AFG2A: variants seen among roughly 807,000 people sequenced by gnomAD.
AFG2A encodes the protein AAA ATPase AFG2A.
At chr4:123,060,670 T>A in the AFG2A span, among the ~76,000 whole-genome samples, 5 of 152,092 alleles carry the variant, frequency 3.3e-5, no homozygotes, top group African/African-American at 1.2e-4. Flanking sequence ...CCCTCCTAGG[T>A]TTGCAGGCCT....
At chr4:123,007,570 G>GTA in the AFG2A span, among the ~76,000 whole-genome samples, 1 of 3,204 alleles carries the variant, frequency 3.1e-4, no homozygotes, top group South Asian at 0.019. Flanking sequence ...GTGTGTATAT[G>GTA]TGTGTGTGTG....
chr4:123,256,604 A>G, the AFG2A span: 2 of 686,658 alleles, frequency 2.9e-6, no homozygotes, highest in Non-Finnish European at 3.6e-6. Flanking sequence ...TTAGGATATC[A>G]TGAGTATAAA....
At chr4:123,157,720 T>G in the AFG2A span, among the ~76,000 whole-genome samples, 153 of 152,332 alleles carry the variant, frequency 1.0e-3, no homozygotes, top group Non-Finnish European at 1.9e-3. Context: ...CCACATTCAC[T>G]CCAACTTTCA....
At chr4:122,951,460 G>A in the AFG2A span, among the ~76,000 whole-genome samples, 28 of 84,464 alleles carry the variant, frequency 3.3e-4, no homozygotes, top group Non-Finnish European at 5.0e-4. Flanking sequence ...ACACACACAC[G>A]CACGCACACA....
At chr4:123,090,839 C>A in the AFG2A span, 1 of 1,221,190 alleles carries the variant, frequency 8.2e-7, no homozygotes, top group South Asian at 1.6e-5. Flanking sequence ...AAAGCAGGTT[C>A]ACTGTGGACT....
the AFG2A span, among the ~76,000 whole-genome samples, chr4:123,020,352 A>G: frequency 6.6e-6 from 1 of 151,862 alleles, no homozygotes; most frequent in Non-Finnish European, 1.5e-5. Flanking sequence ...TTTTGAAAAT[A>G]CATATATGTG....
At chr4:123,247,722 G>A in the AFG2A span, among the ~76,000 whole-genome samples, 2 of 152,036 alleles carry the variant, frequency 1.3e-5, no homozygotes, top group African/African-American at 2.4e-5. Context: ...GTGTGCCACT[G>A]TGCCTAGCCT....
chr4:122,974,342 G>C, the AFG2A span, among the ~76,000 whole-genome samples: 1 of 152,060 alleles, frequency 6.6e-6, no homozygotes, highest in Admixed American at 6.6e-5. Flanking sequence ...GATGTATCTG[G>C]TCCAAATTAG....
the AFG2A span, among the ~76,000 whole-genome samples, chr4:123,085,803 A>G: frequency 6.6e-6 from 1 of 151,788 alleles, no homozygotes. Flanking sequence ...CATGGCTTTA[A>G]TTGAGCATTT....
chr4:123,068,269 T>C, the AFG2A span, among the ~76,000 whole-genome samples: 1 of 152,200 alleles, frequency 6.6e-6, no homozygotes, highest in Admixed American at 6.5e-5. Flanking sequence ...CCAAGAATAT[T>C]TCTCAGTTCA....
At chr4:123,084,916 C>CTG in the AFG2A span, among the ~76,000 whole-genome samples, 1 of 152,162 alleles carries the variant, frequency 6.6e-6, no homozygotes, top group Non-Finnish European at 1.5e-5. Flanking sequence ...CAGGCGTGAG[C>CTG]TACTGCACCC....
the AFG2A span, among the ~76,000 whole-genome samples, chr4:122,974,335 G>A: frequency 6.6e-6 from 1 of 152,122 alleles, no homozygotes; most frequent in African/African-American, 2.4e-5. Context: ...GTAGGGTGAT[G>A]TATCTGGTCC....
At chr4:123,115,931 G>T in the AFG2A span, among the ~76,000 whole-genome samples, 8 of 152,182 alleles carry the variant, frequency 5.3e-5, no homozygotes, top group Admixed American at 3.9e-4. Flanking sequence ...ACAGAGTCTT[G>T]TTCCATCTCC....
At chr4:123,165,030 CTT>C in the AFG2A span, among the ~76,000 whole-genome samples, 2 of 152,138 alleles carry the variant, frequency 1.3e-5, no homozygotes, top group South Asian at 4.2e-4. Context: ...ACAGCTGAGA[CTT>C]TTCATTTTCA....
At chr4:122,965,497 G>A in the AFG2A span, among the ~76,000 whole-genome samples, 2 of 152,154 alleles carry the variant, frequency 1.3e-5, no homozygotes, top group Non-Finnish European at 1.5e-5. Context: ...AAAGCATTTT[G>A]CCTTTTCTTC....
chr4:122,923,143 A>C, the AFG2A span: 175 of 1,614,182 alleles, frequency 1.1e-4, no homozygotes, highest in Non-Finnish European at 1.4e-4. Flanking sequence ...CCTTGTGACC[A>C]TGTCTTCCAA....
At chr4:123,163,453 C>CA in the AFG2A span, among the ~76,000 whole-genome samples, 6 of 151,764 alleles carry the variant, frequency 4.0e-5, no homozygotes, top group African/African-American at 7.3e-5. Context: ...AAAAAACAAA[C>CA]AAAAAAAACC....
At chr4:122,944,536 C>T in the AFG2A span, among the ~76,000 whole-genome samples, 10 of 152,118 alleles carry the variant, frequency 6.6e-5, no homozygotes, top group Admixed American at 1.3e-4. Flanking sequence ...TATACATTCG[C>T]CTAAATTTTT....
chr4:123,008,079 A>C, the AFG2A span, among the ~76,000 whole-genome samples: 1 of 152,142 alleles, frequency 6.6e-6, no homozygotes, highest in Non-Finnish European at 1.5e-5. Context: ...CAGGCTGGAT[A>C]ATTTATAAAG....
Sources: allele counts gnomAD v4.1 joint callset (sites outside exome capture counted in the v4.1 genomes callset), GRCh38; gene constraint gnomAD v4.1.1; transcripts MANE v1.5; gene names NCBI Gene and HGNC (gene_info 2026-07-23, HGNC 2026-07-21).